GRID1: variants seen among roughly 807,000 people sequenced by gnomAD.
GRID1 encodes glutamate ionotropic receptor delta type subunit 1.
Under a neutral mutation model 98.0 loss-of-function variants are expected in GRID1, and 28 were observed. That is an observed-to-expected ratio of 0.29 (90% CI 0.21 to 0.39). The LOEUF (loss-of-function observed/expected upper bound fraction) is 0.39. GRID1 is among the 10% of genes least tolerant of loss of function. GRID1 has a pLI of 1.00. For synonymous variants in GRID1, 553 were observed against 538.5 expected (o/e 1.03, Z -0.37); for missense variants, 1,111 against 1,340.5 (o/e 0.83, Z 2.67).
At chr10:85,845,045 C>A (rs1590261586) in intron 8 of GRID1, among the ~76,000 whole-genome samples, 1 of 151,496 alleles carries the variant, frequency 6.6e-6, no homozygotes, top group South Asian at 2.1e-4. Context: ...ATAAAGATGT[C>A]CACTGTTATT....
chr10:85,782,114 CA>C (rs1272779224), intron 8 of GRID1, among the ~76,000 whole-genome samples: 3 of 152,122 alleles, frequency 2.0e-5, no homozygotes, highest in Non-Finnish European at 4.4e-5. Context: ...AAAATGTTTA[CA>C]AAGCCAGCCA....
At chr10:85,856,548 G>C (rs1455307941) in intron 6 of GRID1, among the ~76,000 whole-genome samples, 2 of 152,218 alleles carry the variant, frequency 1.3e-5, no homozygotes, top group East Asian at 3.9e-4. Flanking sequence ...GGATTAGTAG[G>C]ATAAAGGGAG....
At chr10:86,072,472 A>G (rs1018752714) in intron 4 of GRID1, among the ~76,000 whole-genome samples, 1 of 151,906 alleles carries the variant, frequency 6.6e-6, no homozygotes, top group African/African-American at 2.4e-5. Context: ...GTCCATAACT[A>G]CTCTTTCGTT....
chr10:85,982,973 A>C (rs2131862507), intron 4 of GRID1, among the ~76,000 whole-genome samples: 1 of 152,324 alleles, frequency 6.6e-6, no homozygotes, highest in East Asian at 1.9e-4. Flanking sequence ...CCCTAAAAAC[A>C]CTTTAGAAAC....
intron 3 of GRID1, among the ~76,000 whole-genome samples, chr10:86,202,768 G>A (rs1845972112): frequency 6.6e-6 from 1 of 152,174 alleles, no homozygotes; most frequent in Non-Finnish European, 1.5e-5. Flanking sequence ...CCTGGGGCAG[G>A]ACATTCCAGG....
At chr10:85,647,551 A>T in intron 12 of GRID1, 154 bp from the exon 13 acceptor site, 1 of 642,980 alleles carries the variant, frequency 1.6e-6, no homozygotes, top group Non-Finnish European at 2.7e-6. Flanking sequence ...CAAGTCCTTC[A>T]GCCCAGAGTG....
intron 13 of GRID1, among the ~76,000 whole-genome samples, chr10:85,642,728 T>C (rs1226614786): frequency 1.3e-5 from 2 of 152,202 alleles, no homozygotes; most frequent in Admixed American, 6.5e-5. Flanking sequence ...TGTCCTTATC[T>C]TAGTGGCCAC....
chr10:85,825,792 A>G (rs1842814089), intron 8 of GRID1, among the ~76,000 whole-genome samples: 1 of 152,226 alleles, frequency 6.6e-6, no homozygotes, highest in Non-Finnish European at 1.5e-5. Flanking sequence ...ATAGTAAAAA[A>G]CAACTGGACA....
At position 85,942,280 on chromosome 10, in the gene GRID1, A is replaced by G. The variant is rs573681287; in HGVS notation, c.727-26041T>C. Among the ~76,000 whole-genome samples the G allele has an allele frequency of 2.0e-5, 3 of 152,224 alleles. No homozygotes were observed. In the South Asian group the frequency reaches 6.2e-4, roughly 32 times the overall value. The stretch of plus-strand genomic sequence containing the variant: ...GCACTCACAGGCTTTCTCTGTCTAG[A>G]CCTGCCTCCTACCCCCACCCTGCCA... On this transcript the variant is annotated intron_variant, in intron 4 of 15. Transcript: ENST00000327946.
chr10:86,333,143 C>G (rs1848172740), intron 2 of GRID1, among the ~76,000 whole-genome samples: 1 of 152,224 alleles, frequency 6.6e-6, no homozygotes, highest in African/African-American at 2.4e-5. Flanking sequence ...AGCAAACCAC[C>G]AGGCACTCCC....
At chr10:85,637,683 T>C (rs1238032028) in intron 13 of GRID1, among the ~76,000 whole-genome samples, 2 of 152,236 alleles carry the variant, frequency 1.3e-5, no homozygotes, top group African/African-American at 4.8e-5. Context: ...CCTGTACCTT[T>C]TATTTCTTGC....
Position 85,911,256 on chromosome 10 carries a change from G to T in GRID1, c.780+4930C>A, listed in dbSNP as rs1047166523. On this transcript the variant is annotated intron_variant, in intron 5 of 15. Transcript: ENST00000327946. ...GGGACAGTGGTCTCTGAGATCAGGA[G>T]CACCAAGAGAGAACCAGTTTTGGGG... is the stretch of plus-strand genomic sequence containing the variant. Among the ~76,000 whole-genome samples, 7 of 152,270 alleles carry T rather than the reference G, an allele frequency of 4.6e-5. No individual in the cohort carries two copies. The East Asian group carries it at 1.4e-3, about 29-fold the overall frequency.
chr10:85,635,306 A>G (rs188372516), intron 13 of GRID1, among the ~76,000 whole-genome samples: 1 of 152,300 alleles, frequency 6.6e-6, no homozygotes, highest in Non-Finnish European at 1.5e-5. Flanking sequence ...ATCACCAAAC[A>G]GAATTAAACA....
intron 12 of GRID1, among the ~76,000 whole-genome samples, chr10:85,708,319 G>C (rs1021468340): frequency 1.3e-5 from 2 of 151,802 alleles, no homozygotes; most frequent in African/African-American, 4.8e-5. Context: ...CAGGAGAATG[G>C]CGTGAGCCCA....
At chr10:85,867,812 C>A (rs1843236557) in intron 6 of GRID1, among the ~76,000 whole-genome samples, 1 of 152,228 alleles carries the variant, frequency 6.6e-6, no homozygotes, top group African/African-American at 2.4e-5. Flanking sequence ...GGGGATTATT[C>A]CAGCTAAAAT....
intron 2 of GRID1, among the ~76,000 whole-genome samples, chr10:86,218,987 AGCTGT>A (rs1228625069): frequency 1.3e-5 from 2 of 152,220 alleles, no homozygotes; most frequent in Non-Finnish European, 2.9e-5. Context: ...AGCCCGAGAC[AGCTGT>A]GCTCACCAGG....
chr10:85,960,956 G>T (rs1842257827), intron 4 of GRID1, among the ~76,000 whole-genome samples: 1 of 151,980 alleles, frequency 6.6e-6, no homozygotes, highest in Non-Finnish European at 1.5e-5. Flanking sequence ...TCACCCTGAG[G>T]ACTCACAGAG....
intron 3 of GRID1, among the ~76,000 whole-genome samples, chr10:86,147,307 G>A (rs67246393): frequency 0.043 from 6,491 of 152,210 alleles, 145 homozygotes; most frequent in Non-Finnish European, 0.054. Flanking sequence ...CCAAAGATAC[G>A]TACTTATTTA....
intron 4 of GRID1, among the ~76,000 whole-genome samples, chr10:86,050,119 CA>C (rs1477798305): frequency 6.6e-6 from 1 of 152,160 alleles, no homozygotes; most frequent in Non-Finnish European, 1.5e-5. Context: ...TCACAGGGAT[CA>C]CTGGAAAATC....
Sources: gnomAD v4.1 joint callset for allele counts (sites outside exome capture counted in the v4.1 genomes callset) on GRCh38, gnomAD v4.1.1 for gene constraint, MANE v1.5 for transcripts, NCBI Gene and HGNC (gene_info 2026-07-23, HGNC 2026-07-21) for gene names.